ASIC2: variants seen among roughly 807,000 people sequenced by gnomAD.
ASIC2 encodes acid sensing ion channel subunit 2, also known as acid-sensing ion channel 2.
In ASIC2, 25 loss-of-function variants were observed where a neutral mutation model predicts 57.3. The ratio of observed to expected loss-of-function variants is 0.44; its 90% CI spans 0.32 to 0.61. ASIC2 has a LOEUF of 0.61. Ranked by LOEUF, ASIC2 falls within the 20% of genes least tolerant of loss-of-function variation. ASIC2 has a pLI of 0.06. For synonymous variants in ASIC2, 319 were observed against 307.5 expected (o/e 1.04, Z -0.39); for missense variants, 641 against 738.1 (o/e 0.87, Z 1.52).
At chr17:34,038,256 T>G (rs1318117774) in intron 1 of ASIC2, 1 of 1,610,598 alleles carries the variant, frequency 6.2e-7, no homozygotes, top group Non-Finnish European at 8.5e-7. Context: ...TTCTCTGACA[T>G]TAATTTGTGC....
At chr17:33,781,306 G>A (rs1911446482) in intron 1 of ASIC2, among the ~76,000 whole-genome samples, 1 of 152,248 alleles carries the variant, frequency 6.6e-6, no homozygotes, top group South Asian at 2.1e-4. Context: ...GCATTTCTGA[G>A]TGGCTGGCTA....
intron 1 of ASIC2, among the ~76,000 whole-genome samples, chr17:33,984,526 G>A (rs1208090033): frequency 3.9e-5 from 6 of 152,318 alleles, no homozygotes; most frequent in South Asian, 4.1e-4. Flanking sequence ...CCCATGGCAC[G>A]TAAAAGGGCC....
At chr17:33,388,125 A>G (rs1909758378) in intron 1 of ASIC2, among the ~76,000 whole-genome samples, 1 of 152,068 alleles carries the variant, frequency 6.6e-6, no homozygotes, top group African/African-American at 2.4e-5. Context: ...CAACAACAAA[A>G]CAAACAAATT....
chr17:34,029,879 A>G (rs1411480909), intron 1 of ASIC2, among the ~76,000 whole-genome samples: 1 of 152,168 alleles, frequency 6.6e-6, no homozygotes, highest in East Asian at 1.9e-4. Flanking sequence ...GACACCCCAC[A>G]AAATAGACCC....
At chr17:33,142,469 A>G (rs1424717421) in intron 1 of ASIC2, among the ~76,000 whole-genome samples, 1 of 152,190 alleles carries the variant, frequency 6.6e-6, no homozygotes, top group Non-Finnish European at 1.5e-5. Flanking sequence ...TCTTTTATAA[A>G]GGATTAGACT....
chr17:33,782,845 C>T (rs1426231169), intron 1 of ASIC2, among the ~76,000 whole-genome samples: 1 of 152,222 alleles, frequency 6.6e-6, no homozygotes, highest in Non-Finnish European at 1.5e-5. Context: ...AGCCTATTCT[C>T]AGGCTCCGGC....
At chr17:33,293,450 G>T (rs573438398), upstream of ASIC2, among the ~76,000 whole-genome samples, 63 of 152,322 alleles carry the variant, frequency 4.1e-4, no homozygotes, top group African/African-American at 1.4e-3. Flanking sequence ...CGGGTGCGGG[G>T]GTGGGGTGTG....
chr17:33,245,395 T>A (rs1375699934), intron 1 of ASIC2, among the ~76,000 whole-genome samples: 1 of 152,164 alleles, frequency 6.6e-6, no homozygotes, highest in East Asian at 1.9e-4. Context: ...TGAGTCAATA[T>A]GGAATTTTCA....
At chr17:34,099,173 AAAGAAAG>A in intron 1 of ASIC2, among the ~76,000 whole-genome samples, 1 of 16,638 alleles carries the variant, frequency 6.0e-5, no homozygotes, top group South Asian at 3.9e-3. Flanking sequence ...AGAAAGAAAG[AAAGAAAG>A]AAAGAAAGAA....
intron 1 of ASIC2, among the ~76,000 whole-genome samples, chr17:34,015,088 T>TTC (rs1906903847): frequency 6.7e-6 from 1 of 149,600 alleles, no homozygotes; most frequent in African/African-American, 2.5e-5. Context: ...TTTTTTTTTT[T>TTC]TGTAGATACG....
At chr17:33,448,568 C>A (rs1912126744) in intron 1 of ASIC2, among the ~76,000 whole-genome samples, 1 of 152,100 alleles carries the variant, frequency 6.6e-6, no homozygotes, top group African/African-American at 2.4e-5. Context: ...TGGCTACAAG[C>A]CAAGGGGTGC....
intron 1 of ASIC2, among the ~76,000 whole-genome samples, chr17:33,393,668 T>TGTGCTGAAAGGAA (rs1909978646): frequency 6.6e-6 from 1 of 152,166 alleles, no homozygotes; most frequent in Non-Finnish European, 1.5e-5. Flanking sequence ...GGGGAATATA[T>TGTGCTGAAAGGAA]GTGCTGAAAG....
intron 1 of ASIC2, among the ~76,000 whole-genome samples, chr17:33,969,162 G>A (rs1013435158): frequency 1.3e-5 from 2 of 152,140 alleles, no homozygotes; most frequent in Admixed American, 1.3e-4. Context: ...AGTAAGATTA[G>A]GCATAAGATG....
At chr17:33,036,974 G>A (rs1426192623) in intron 3 of ASIC2, among the ~76,000 whole-genome samples, 1 of 152,026 alleles carries the variant, frequency 6.6e-6, no homozygotes, top group Non-Finnish European at 1.5e-5. Context: ...TGGGAGGAGG[G>A]AGAGGAGCAG....
At chr17:33,750,681 T>A (rs1178872193) in intron 1 of ASIC2, among the ~76,000 whole-genome samples, 1 of 152,160 alleles carries the variant, frequency 6.6e-6, no homozygotes, top group Non-Finnish European at 1.5e-5. Context: ...ATGCTTTGTT[T>A]GTTTTGTTTT....
intron 1 of ASIC2, among the ~76,000 whole-genome samples, chr17:34,147,699 G>A (rs1904347452): frequency 6.6e-6 from 1 of 152,182 alleles, no homozygotes; most frequent in African/African-American, 2.4e-5. Flanking sequence ...GGTTGTAATA[G>A]ATCATGGGTC....
intron 1 of ASIC2, among the ~76,000 whole-genome samples, chr17:33,802,643 T>C (rs1912162562): frequency 6.6e-6 from 1 of 152,242 alleles, no homozygotes; most frequent in Non-Finnish European, 1.5e-5. Flanking sequence ...TTCTCAATAT[T>C]TGCTTTCTTC....
chr17:33,358,512 T>A (rs55733731), intron 1 of ASIC2, among the ~76,000 whole-genome samples: 26,538 of 152,030 alleles, frequency 0.17, 2,951 homozygotes, highest in East Asian at 0.48. Flanking sequence ...GGACATTTAT[T>A]GGATGCTCTC....
At chr17:33,395,677 C>T (rs147776767) in intron 1 of ASIC2, among the ~76,000 whole-genome samples, 32 of 152,288 alleles carry the variant, frequency 2.1e-4, no homozygotes, top group South Asian at 2.1e-3. Flanking sequence ...GCCTATTATA[C>T]GTAGACACCT....
Sources: allele counts gnomAD v4.1 joint callset (sites outside exome capture counted in the v4.1 genomes callset), GRCh38; gene constraint gnomAD v4.1.1; transcripts MANE v1.5; gene names NCBI Gene and HGNC (gene_info 2026-07-23, HGNC 2026-07-21).